The following PPP1R16A variants were observed in gnomAD, a reference collection of about 807,000 sequenced individuals.
PPP1R16A encodes protein phosphatase 1 regulatory subunit 16A.
A neutral mutation model predicts 46.6 loss-of-function variants in PPP1R16A; 39 were observed. The observed-to-expected ratio is 0.84, with a 90% CI of 0.65 to 1.09. The LOEUF (loss-of-function observed/expected upper bound fraction) is 1.09. PPP1R16A is among the 50% of genes least tolerant of loss of function. The pLI is 0.00. For missense variants in PPP1R16A, 798 were observed against 735.6 expected, an observed-to-expected ratio of 1.08 and a Z score of -0.98; for synonymous variants, 413 against 321.5, an observed-to-expected ratio of 1.28 and a Z score of -3.04.
chr8:144,492,854 C>T (rs1229268293), intron 2 of PPP1R16A, among the ~76,000 whole-genome samples: 3 of 152,150 alleles, frequency 2.0e-5, no homozygotes, highest in Non-Finnish European at 2.9e-5. Context: ...CTACCTGTCC[C>T]TTGTCCCTAT....
intron 1 of PPP1R16A, among the ~76,000 whole-genome samples, chr8:144,484,155 G>T (rs1430063541): frequency 2.0e-5 from 3 of 152,240 alleles, no homozygotes; most frequent in African/African-American, 7.2e-5. Flanking sequence ...TGTGCCACTG[G>T]CACGTCTGTC....
At chr8:144,478,991 TG>T (rs1008134824) in intron 1 of PPP1R16A, 15 of 153,036 alleles carry the variant, frequency 9.8e-5, no homozygotes, top group Admixed American at 2.6e-4. Context: ...GATTCCTACC[TG>T]GGGGTGGAGG....
At chr8:144,499,236 G>C (rs1826267780) in intron 5 of PPP1R16A, 175 bp downstream of exon 5, 4 of 881,614 alleles carry the variant, frequency 4.5e-6, no homozygotes, top group Non-Finnish European at 6.7e-6. Flanking sequence ...AGGGGAATGG[G>C]CATGTGCCCA....
At chr8:144,480,892 T>TA (rs1192551519) in intron 1 of PPP1R16A, among the ~76,000 whole-genome samples, 19 of 151,076 alleles carry the variant, frequency 1.3e-4, no homozygotes, top group Admixed American at 2.0e-4. Context: ...TTTTGTTTGA[T>TA]GGGTTTTTTT....
intron 1 of PPP1R16A, among the ~76,000 whole-genome samples, chr8:144,485,585 G>C (rs1199776993): frequency 1.3e-5 from 2 of 152,086 alleles, no homozygotes; most frequent in Non-Finnish European, 1.5e-5. Flanking sequence ...ATGGCTCAGA[G>C]ATCCCTTGTA....
intron 2 of PPP1R16A, among the ~76,000 whole-genome samples, chr8:144,492,753 C>G (rs1825869617): frequency 6.6e-6 from 1 of 152,142 alleles, no homozygotes; most frequent in Admixed American, 6.5e-5. Context: ...AAGTTCCCAT[C>G]CTCTTTCTGC....
intron 1 of PPP1R16A, among the ~76,000 whole-genome samples, chr8:144,488,979 G>A (rs889801822): frequency 4.0e-5 from 6 of 151,358 alleles, no homozygotes; most frequent in East Asian, 2.0e-4. Flanking sequence ...TGAGACAGGC[G>A]GATCACTTGA....
chr8:144,501,729 C>T lies in PPP1R16A; in HGVS notation c.1413C>T (p.Pro471=). 1.3e-6 allele frequency: 2 copies of T among 1,587,014 alleles called. No homozygotes were observed. Among genetic ancestry groups the T allele is most frequent in the Non-Finnish European group, 1.7e-6 (2 of 1,167,800 alleles). Residue 471 remains proline (P), a synonymous_variant, in exon 12 of 12, where the codon CCC becomes CCT. Transcript: ENST00000435887. ...GAGCTGCTGCCAAGCTGCAGCGACC[C>T]CCACCTGAGGGGCCCGAGAGCCCTG... is the stretch of plus-strand genomic sequence containing the variant. ...RQRAAAKLQR[P]PPEGPESPET...
intron 1 of PPP1R16A, among the ~76,000 whole-genome samples, chr8:144,481,169 C>T (rs1390594738): frequency 6.6e-6 from 1 of 151,032 alleles, no homozygotes; most frequent in African/African-American, 2.4e-5. Flanking sequence ...GGATTACAGG[C>T]GTGACCACCG....
chr8:144,500,861 G>A lies in PPP1R16A; in HGVS notation c.927G>A (p.Glu309=), dbSNP rs775507923. The A allele has an allele frequency of 1.9e-6, 3 of 1,570,990 alleles. No individual in the cohort carries two copies. The highest frequency in any genetic ancestry group is 2.6e-6 in the Non-Finnish European group (3 of 1,160,088). ...TCTCAGATGTGTGCGGGGACGAGGA[G>A]GTGCGGGCCAAGCTGCTGGAGCTGA... is the stretch of plus-strand genomic sequence containing the variant. ...ETPLDVCGDE[E]VRAKLLELKH... is the part of the protein sequence containing the mutation. Residue 309 remains glutamate, a synonymous_variant, in exon 10 of 12, where the codon GAG becomes GAA. Transcript: ENST00000435887.
Position 144,500,764 on chromosome 8 carries a change from G to A in PPP1R16A, c.907+3G>A, listed in dbSNP as rs1826389477. 6.2e-7 allele frequency: 1 copy of A among 1,611,026 alleles called. No homozygotes were observed. The highest frequency in any genetic ancestry group is 8.5e-7 in the Non-Finnish European group (1 of 1,179,378). On this transcript the variant is annotated splice_donor_region_variant and intron_variant, in intron 9 of 11. Coordinates refer to ENST00000435887, the MANE Select transcript of PPP1R16A (RefSeq NM_001329443.2). ...CCTGATGGACGAGACGCCCCTTGGTGAGCTTGCGGGGCCCACCTCCACCTG... is the reference window on the plus strand; with the variant it reads ...CCTGATGGACGAGACGCCCCTTGGTAAGCTTGCGGGGCCCACCTCCACCTG...
At position 144,500,924 on chromosome 8, in the gene PPP1R16A, C is replaced by T. The variant is rs1293582168; in HGVS notation, c.990C>T (p.Arg330=). The T allele has an allele frequency of 4.6e-6, 7 of 1,526,328 alleles. No homozygotes were observed. Among genetic ancestry groups the T allele is most frequent in the Non-Finnish European group, 6.1e-6 (7 of 1,140,704 alleles). 94.5% of individuals were successfully genotyped at this position (1,526,328 alleles called of 1,614,324 possible). The change falls in exon 10 of 12, where the codon CGC becomes CGT. Residue 330 remains arginine, a synonymous_variant. Coordinates refer to ENST00000435887, the MANE Select transcript of PPP1R16A (RefSeq NM_001329443.2). ...KHDALLRAQS[R]QRSLLRRRTS... ...ACGCCCTCCTGCGCGCCCAGAGCCG[C>T]CAGCGCTCCTTGCTGCGCCGCCGCA...
In PPP1R16A at chr8:144,496,628, G is replaced by A. The variant is rs956258605; in HGVS notation, c.-567G>A. ...CCAGCCTCAGCGGCTGCACCTCCTC[G>A]TTAGTACTGATGCACTGACCTCGGC... is the stretch of plus-strand genomic sequence containing the variant. On this transcript the variant is annotated 5_prime_UTR_variant, in exon 3 of 12. Coordinates refer to ENST00000435887, the MANE Select transcript of PPP1R16A (RefSeq NM_001329443.2). 4.1e-5 allele frequency: 7 copies of A among 170,978 alleles called. No individual in the cohort carries two copies. The highest frequency in any genetic ancestry group is 1.5e-4 in the East Asian group (1 of 6,682). 10.6% of individuals were successfully genotyped at this position (170,978 alleles called of 1,614,324 possible).
At chr8:144,488,688 C>G (rs111502656) in intron 1 of PPP1R16A, among the ~76,000 whole-genome samples, 3,642 of 152,042 alleles carry the variant, frequency 0.024, 139 homozygotes, top group African/African-American at 0.084. Context: ...CAACGATGGG[C>G]GGGGGTGAAG....
chr8:144,498,610 C>T, intron 3 of PPP1R16A, 160 bp from the exon 4 acceptor site: 2 of 679,906 alleles, frequency 2.9e-6, no homozygotes, highest in South Asian at 4.4e-5. Context: ...CTGGGCCAGA[C>T]AGATGCCTGG....
intron 2 of PPP1R16A, among the ~76,000 whole-genome samples, chr8:144,495,300 T>G (rs1372726185): frequency 1.3e-5 from 2 of 151,900 alleles, no homozygotes; most frequent in African/African-American, 4.9e-5. Context: ...GAAGGGGGCA[T>G]TCTATGAAAC....
chr8:144,497,181 A>G lies in PPP1R16A; in HGVS notation c.-14A>G, dbSNP rs758336021. 4.0e-5 allele frequency: 62 copies of G among 1,549,004 alleles called. No homozygotes were observed. The highest frequency in any genetic ancestry group is 1.3e-5 in the Non-Finnish European group (15 of 1,149,454). ...TGGTGCCCCGAGCAGCCCTGTGGGC[A>G]AGCAGCCGCCGCCATGGCCGAGCAC... On this transcript the variant is annotated 5_prime_UTR_variant, in exon 3 of 12. Transcript: ENST00000435887.
chr8:144,500,389 C>T lies in PPP1R16A; in HGVS notation c.703C>T (p.Leu235=). Reference sequence around the variant, plus strand: ...TGCCCCCCTGGACCACGGGGCCACGCTGGTGAGGGCTGGGGGGTGAGGGGC... The same window carrying T: ...TGCCCCCCTGGACCACGGGGCCACGTTGGTGAGGGCTGGGGGGTGAGGGGC... The part of the protein sequence containing the change: ...LHAPLDHGAT[L]LHVAAANGFS... Residue 235 remains leucine (L), a splice_region_variant and synonymous_variant, in exon 7 of 12, where the codon CTG becomes TTG. Transcript: ENST00000435887. The T allele has an allele frequency of 6.6e-7, 1 of 1,525,062 alleles. No individual in the cohort carries two copies. The highest frequency in any genetic ancestry group is 8.8e-7 in the Non-Finnish European group (1 of 1,141,410). 94.5% of individuals were successfully genotyped at this position (1,525,062 alleles called of 1,614,324 possible).
intron 1 of PPP1R16A, among the ~76,000 whole-genome samples, chr8:144,483,026 G>A (rs750667814): frequency 4.0e-5 from 6 of 150,552 alleles, no homozygotes; most frequent in South Asian, 2.1e-4. Context: ...CAGGTGATCC[G>A]CCCCCCTCAA....
Sources: gnomAD v4.1 joint callset for allele counts (sites outside exome capture counted in the v4.1 genomes callset) on GRCh38, gnomAD v4.1.1 for gene constraint, MANE v1.5 for transcripts, NCBI Gene and HGNC (gene_info 2026-07-23, HGNC 2026-07-21) for gene names.